GRK5: variants seen among roughly 807,000 people sequenced by gnomAD.
The protein encoded by GRK5 is G protein-coupled receptor kinase 5.
A neutral mutation model predicts 78.4 loss-of-function variants in GRK5; 40 were observed. That is an observed-to-expected ratio of 0.51 (90% CI 0.40 to 0.66). GRK5 has a LOEUF of 0.66. Ranked by LOEUF, GRK5 falls within the 30% of genes least tolerant of loss-of-function variation. The pLI is 0.00. For synonymous variants in GRK5, 289 were observed against 296.8 expected, an observed-to-expected ratio of 0.97 and a Z score of 0.27; for missense variants, 598 against 759.9, an observed-to-expected ratio of 0.79 and a Z score of 2.50.
At chr10:119,339,257 G>A (rs760068530) in intron 2 of GRK5, among the ~76,000 whole-genome samples, 2 of 152,186 alleles carry the variant, frequency 1.3e-5, no homozygotes, top group Non-Finnish European at 2.9e-5. Flanking sequence ...TCGTTTGTGC[G>A]GGGGACCTCA....
At chr10:119,394,687 G>GCACACATGTGCACTCA (rs1257218478) in intron 3 of GRK5, among the ~76,000 whole-genome samples, 3 of 47,738 alleles carry the variant, frequency 6.3e-5, no homozygotes, top group African/African-American at 1.9e-4. Flanking sequence ...ACGTGTGTGT[G>GCACACATGTGCACTCA]GGTGTGTGTG....
In GRK5 at chr10:119,430,577, A is replaced by C. The variant is rs999923840; in HGVS notation, c.597+139A>C. The C allele has an allele frequency of 1.5e-6, 1 of 669,156 alleles. No individual in the cohort carries two copies. Among genetic ancestry groups the C allele is most frequent in the Non-Finnish European group, 2.6e-6 (1 of 388,390 alleles). 41.5% of individuals were successfully genotyped at this position (669,156 alleles called of 1,614,324 possible). A position where few individuals can be genotyped will look rare whatever the true frequency, so the allele number is the denominator to read the frequency against. On this transcript the variant is annotated intron_variant, in intron 7 of 15. Transcript: ENST00000392870. This position sits in a 1 kb window ranked among gnomAD's most constrained non-coding sequence, Gnocchi z 4.5. Reference sequence around the variant, plus strand: ...CTCAATGTGGGCCCCGGGGGCAGTGAGGGTGGGAGAGAGTCAGTGGCCTTG... The same window carrying C: ...CTCAATGTGGGCCCCGGGGGCAGTGCGGGTGGGAGAGAGTCAGTGGCCTTG...
chr10:119,292,656 A>C (rs118105196), intron 1 of GRK5, among the ~76,000 whole-genome samples: 2 of 152,184 alleles, frequency 1.3e-5, no homozygotes, highest in Non-Finnish European at 2.9e-5. Flanking sequence ...CCTCCTGAGG[A>C]TACCAAAATC....
intron 1 of GRK5, among the ~76,000 whole-genome samples, chr10:119,314,367 G>A (rs1033308411): frequency 3.9e-5 from 6 of 152,108 alleles, no homozygotes; most frequent in Admixed American, 1.3e-4. Context: ...TGCACAACTC[G>A]GCCCATTCCT....
At chr10:119,347,777 T>C (rs1851122115) in intron 2 of GRK5, among the ~76,000 whole-genome samples, 1 of 152,244 alleles carries the variant, frequency 6.6e-6, no homozygotes, top group African/African-American at 2.4e-5. Context: ...GTGTCTGCCT[T>C]GCTTCAGATA....
intron 1 of GRK5, 113 bp from the exon 2 acceptor site, chr10:119,326,403 G>T: frequency 2.6e-6 from 2 of 771,736 alleles, no homozygotes; most frequent in South Asian, 3.1e-5. Flanking sequence ...CACTGGCTTG[G>T]CCTACAGCCC....
chr10:119,366,742 C>T (rs1256371565), intron 2 of GRK5, among the ~76,000 whole-genome samples: 1 of 152,202 alleles, frequency 6.6e-6, no homozygotes, highest in East Asian at 1.9e-4. Context: ...GCCTCCTCCC[C>T]ACCGTGGACC....
At chr10:119,393,540 T>C (rs1293779658) in intron 3 of GRK5, among the ~76,000 whole-genome samples, 1 of 152,234 alleles carries the variant, frequency 6.6e-6, no homozygotes, top group African/African-American at 2.4e-5. Context: ...CCCCAAATGA[T>C]GGCCGGCCAT....
chr10:119,218,864 C>T (rs1263101075), intron 1 of GRK5, among the ~76,000 whole-genome samples: 1 of 152,040 alleles, frequency 6.6e-6, no homozygotes, highest in East Asian at 1.9e-4. Context: ...GCTTGAGTAT[C>T]CCTAACTGAA....
chr10:119,298,947 G>A (rs10886444), intron 1 of GRK5, among the ~76,000 whole-genome samples: 60,394 of 151,892 alleles, frequency 0.4, 13,613 homozygotes, highest in Non-Finnish European at 0.51. Flanking sequence ...TGCTCCCTGC[G>A]GTGTGCACAT....
rs1465340175 is a variant in GRK5, at chr10:119,253,246, G to A, written c.52+45277G>A. ...ATTACAGAGGCCCTTGATAGAGTCC[G>A]AAATTTGAAGGACAAGCAAGGAAGA... On this transcript the variant is annotated intron_variant, in intron 1 of 15. Coordinates refer to ENST00000392870, the MANE Select transcript of GRK5 (RefSeq NM_005308.3). The surrounding 1 kb of genome is among the most constrained non-coding windows in gnomAD (Gnocchi z 5.7). Among the ~76,000 whole-genome samples the A allele has an allele frequency of 1.3e-5, 2 of 152,154 alleles. No individual in the cohort carries two copies. The highest frequency in any genetic ancestry group is 2.4e-5 in the African/African-American group (1 of 41,430).
intron 1 of GRK5, among the ~76,000 whole-genome samples, chr10:119,232,515 C>T (rs1047644270): frequency 6.6e-6 from 1 of 152,118 alleles, no homozygotes; most frequent in Non-Finnish European, 1.5e-5. Flanking sequence ...TGTTCCCACC[C>T]ACATCTCATC....
chr10:119,279,459 G>T (rs954713515), intron 1 of GRK5, among the ~76,000 whole-genome samples: 81 of 152,376 alleles, frequency 5.3e-4, no homozygotes, highest in Middle Eastern at 3.4e-3. Flanking sequence ...GGGAGAGAAA[G>T]TGGGAAGATC....
chr10:119,369,342 C>T (rs752380236), intron 2 of GRK5, among the ~76,000 whole-genome samples: 3 of 152,180 alleles, frequency 2.0e-5, no homozygotes, highest in Non-Finnish European at 2.9e-5. Flanking sequence ...GTGTTCAAGA[C>T]ACAAACAGTG....
chr10:119,266,153 A>G (rs1001894384), intron 1 of GRK5, among the ~76,000 whole-genome samples: 5 of 152,040 alleles, frequency 3.3e-5, no homozygotes, highest in African/African-American at 1.2e-4. Flanking sequence ...TTCTTTACCT[A>G]TTTTAGGAAC....
chr10:119,251,046 G>A (rs574008057), intron 1 of GRK5, among the ~76,000 whole-genome samples: 2 of 152,092 alleles, frequency 1.3e-5, no homozygotes, highest in South Asian at 4.2e-4. Context: ...AGGGGAAAAT[G>A]TTTCTGGTTT....
At chr10:119,331,175 ATAAACTGGCCT>A (rs1334274189) in intron 2 of GRK5, among the ~76,000 whole-genome samples, 1 of 152,202 alleles carries the variant, frequency 6.6e-6, no homozygotes, top group Non-Finnish European at 1.5e-5. Flanking sequence ...TTCTAGGTCC[ATAAACTGGCCT>A]CTTGGCAGGG....
intron 1 of GRK5, among the ~76,000 whole-genome samples, chr10:119,263,799 G>A (rs1054289998): frequency 6.6e-6 from 1 of 152,068 alleles, no homozygotes; most frequent in African/African-American, 2.4e-5. Context: ...GGTGGCGGGC[G>A]CCTGTATAGT....
chr10:119,244,763 C>T (rs183699740), intron 1 of GRK5, among the ~76,000 whole-genome samples: 93 of 152,178 alleles, frequency 6.1e-4, no homozygotes, highest in African/African-American at 2.2e-3. Context: ...CCCAAAAAAC[C>T]ACAATGAGCT....
Sources: gnomAD v4.1 joint callset for allele counts (sites outside exome capture counted in the v4.1 genomes callset) on GRCh38, gnomAD v4.1.1 for gene constraint, Gnocchi (gnomAD v3.1) non-coding constraint, MANE v1.5 for transcripts, NCBI Gene and HGNC (gene_info 2026-07-23, HGNC 2026-07-21) for gene names.